Variants in CRACDL observed in about 807,000 individuals in gnomAD.
CRACDL encodes the protein CRACD-like protein.
In CRACDL, 26 loss-of-function variants were observed where a neutral mutation model predicts 70.6. The observed-to-expected ratio is 0.37, with a 90% CI of 0.27 to 0.51. The LOEUF (loss-of-function observed/expected upper bound fraction) is 0.51, where lower values mean the gene tolerates loss of function less well. Among genes scored for constraint, CRACDL ranks in the 20% least tolerant of loss-of-function variants. CRACDL has a pLI of 0.94. For missense variants in CRACDL, 1,283 were observed against 1,376.9 expected (o/e 0.93, Z 1.08); for synonymous variants, 618 against 615.2 (o/e 1.00, Z -0.07).
At chr2:98,863,427 A>T (rs1181588122) in intron 1 of CRACDL, among the ~76,000 whole-genome samples, 3 of 152,328 alleles carry the variant, frequency 2.0e-5, no homozygotes, top group Middle Eastern at 3.4e-3. Context: ...AAATGAAAGG[A>T]CACTAGATAT....
chr2:98,918,020 A>G (rs1463904611), intron 1 of CRACDL, among the ~76,000 whole-genome samples: 1 of 152,194 alleles, frequency 6.6e-6, no homozygotes, highest in Non-Finnish European at 1.5e-5. Flanking sequence ...CCAATCATCC[A>G]TTAATGGACA....
rs1039720318 is a variant in CRACDL at position 98,822,772 on chromosome 2, G to A, written c.1501C>T (p.Arg501Trp). 15 of 1,286,264 alleles carry A rather than the reference G, an allele frequency of 1.2e-5. No homozygotes were observed. The highest frequency in any genetic ancestry group is 2.8e-5 in the South Asian group (1 of 35,656). 79.7% of individuals were successfully genotyped at this position (1,286,264 alleles called of 1,614,324 possible). Residue 501 changes from arginine to tryptophan, a missense_variant, in exon 7 of 10, where the codon CGG (arginine) becomes TGG (tryptophan). By Grantham distance (101) the Arg-to-Trp change is moderately radical (BLOSUM62 -3). Transcript: ENST00000397899. This position sits in a 1 kb window ranked among gnomAD's most constrained non-coding sequence, Gnocchi z 4.9. The stretch of plus-strand genomic sequence containing the variant: ...GGGCCCTCGCTGGCGGCCGCGGGCC[G>A]GTGTTTCAGGCAGCTCTTGGGCGCC... Reference protein sequence around the residue: ...PPAPKSCLKHRPAAASEGPAA... With the variant: ...PPAPKSCLKHWPAAASEGPAA...
At chr2:98,929,310 G>A (rs1239842484) in intron 1 of CRACDL, among the ~76,000 whole-genome samples, 1 of 152,178 alleles carries the variant, frequency 6.6e-6, no homozygotes, top group African/African-American at 2.4e-5. Context: ...CCACGGTCTG[G>A]GCCGATGCCC....
intron 1 of CRACDL, among the ~76,000 whole-genome samples, chr2:98,899,119 C>G (rs1245379864): frequency 1.3e-5 from 2 of 152,166 alleles, no homozygotes; most frequent in Non-Finnish European, 2.9e-5. Flanking sequence ...GCCCCTCCCA[C>G]CCCACCAAGG....
chr2:98,893,999 G>A (rs75036453), intron 1 of CRACDL, among the ~76,000 whole-genome samples: 47 of 152,252 alleles, frequency 3.1e-4, no homozygotes, highest in African/African-American at 1.1e-3. Flanking sequence ...GAGATTCCGA[G>A]GGGCAGCCAG....
chr2:98,838,343 T>A (rs1162779706), intron 2 of CRACDL, 56 bp from the exon 3 acceptor site: 2 of 973,446 alleles, frequency 2.1e-6, no homozygotes, highest in African/African-American at 3.3e-5. Flanking sequence ...TGTGTTTATG[T>A]GCATGTATGC....
chr2:98,796,231 T>A lies in CRACDL; in HGVS notation c.2638A>T (p.Lys880Ter). 6.2e-7 allele frequency: 1 copy of A among 1,614,194 alleles called. No homozygotes were observed. The highest frequency in any genetic ancestry group is 8.5e-7 in the Non-Finnish European group (1 of 1,180,000). Residue 880 changes from lysine (K) to a stop codon, truncating the protein, a stop_gained, in exon 9 of 10, where the codon AAG becomes TAG. Coordinates refer to ENST00000397899, the MANE Select transcript of CRACDL (RefSeq NM_207362.3). LOFTEE classifies it high-confidence loss of function. ...TTCACAGGGGTTATCAGGAAAGACTTGCTGCGAACAAAGTCAGCTTGCTTC... is the reference window on the plus strand; with the variant it reads ...TTCACAGGGGTTATCAGGAAAGACTAGCTGCGAACAAAGTCAGCTTGCTTC... ...PVKQADFVRS[K>*]SFLITPVKPA...
chr2:98,863,165 G>A (rs140419476), intron 1 of CRACDL, among the ~76,000 whole-genome samples: 40 of 152,226 alleles, frequency 2.6e-4, no homozygotes, highest in African/African-American at 9.4e-4. Flanking sequence ...GATGTGACTT[G>A]TGACATACAA....
intron 7 of CRACDL, among the ~76,000 whole-genome samples, chr2:98,820,113 G>A (rs1478998840): frequency 2.0e-5 from 3 of 150,928 alleles, no homozygotes; most frequent in East Asian, 2.0e-4. Flanking sequence ...CCACCACGCC[G>A]GGCCAAAACA....
At chr2:98,848,148 A>C (rs952333986) in intron 1 of CRACDL, among the ~76,000 whole-genome samples, 2 of 152,188 alleles carry the variant, frequency 1.3e-5, no homozygotes, top group East Asian at 1.9e-4. Context: ...CAAATCCTTT[A>C]CCACTGTTTT....
intron 7 of CRACDL, among the ~76,000 whole-genome samples, chr2:98,815,013 C>T (rs1704725304): frequency 6.6e-6 from 1 of 152,010 alleles, no homozygotes; most frequent in African/African-American, 2.4e-5. Flanking sequence ...CCAGCTTTTC[C>T]AACTCTAAAA....
intron 2 of CRACDL, among the ~76,000 whole-genome samples, chr2:98,845,200 CTT>C (rs34635348): frequency 5.9e-4 from 34 of 57,548 alleles, no homozygotes; most frequent in Admixed American, 8.4e-4. Context: ...TCTTCTTCTT[CTT>C]TTTTTTTTTT....
intron 3 of CRACDL, 56 bp from the exon 4 acceptor site, chr2:98,833,053 G>A (rs1705614032): frequency 2.0e-6 from 3 of 1,527,110 alleles, no homozygotes; most frequent in South Asian, 2.4e-5. Flanking sequence ...CTGACCCCTG[G>A]GGGGCTCAGA....
intron 9 of CRACDL, among the ~76,000 whole-genome samples, chr2:98,795,064 TATATATATA>T (rs1270479438): frequency 1.9e-5 from 1 of 52,866 alleles, no homozygotes; most frequent in Admixed American, 2.6e-4. Flanking sequence ...TATATATATA[TATATATATA>T]TATATTTTTT....
At chr2:98,858,112 T>C (rs1706780371) in intron 1 of CRACDL, among the ~76,000 whole-genome samples, 1 of 152,124 alleles carries the variant, frequency 6.6e-6, no homozygotes, top group African/African-American at 2.4e-5. Flanking sequence ...ATAAAGTCCT[T>C]TGAGATGAAT....
chr2:98,865,862 G>A (rs554160864), intron 1 of CRACDL, among the ~76,000 whole-genome samples: 5 of 148,484 alleles, frequency 3.4e-5, no homozygotes, highest in Non-Finnish European at 7.4e-5. Context: ...GTGCAGTGGC[G>A]CAACCTCAGC....
chr2:98,887,162 T>C (rs1365891077), intron 1 of CRACDL, among the ~76,000 whole-genome samples: 1 of 152,136 alleles, frequency 6.6e-6, no homozygotes, highest in Non-Finnish European at 1.5e-5. Flanking sequence ...TCAATTGAGA[T>C]TAGCCAATTT....
At chr2:98,852,972 C>T (rs111287604) in intron 1 of CRACDL, among the ~76,000 whole-genome samples, 5 of 82,164 alleles carry the variant, frequency 6.1e-5, no homozygotes, top group South Asian at 4.8e-4. Flanking sequence ...GGGGTGGGTG[C>T]GGGAGAGAGA....
At chr2:98,921,440 C>T (rs541092360) in intron 1 of CRACDL, among the ~76,000 whole-genome samples, 2 of 152,338 alleles carry the variant, frequency 1.3e-5, no homozygotes, top group East Asian at 3.9e-4. Flanking sequence ...GCCTTGGGCT[C>T]GGAAGGCTCT....
Sources: allele counts gnomAD v4.1 joint callset (sites outside exome capture counted in the v4.1 genomes callset), GRCh38; gene constraint gnomAD v4.1.1; non-coding constraint Gnocchi (gnomAD v3.1); transcripts MANE v1.5; gene names NCBI Gene and HGNC (gene_info 2026-07-23, HGNC 2026-07-21).